Variants in RPS24 observed in about 807,000 individuals in gnomAD.
RPS24 encodes ribosomal protein S24, also known as small ribosomal subunit protein eS24.
For missense variants in RPS24, 100 were observed against 162.5 expected (o/e 0.62, Z 2.09); for synonymous variants, 72 against 55.6 (o/e 1.30, Z -1.31).
chr10:78,045,144 T>C (rs1313927422), downstream of RPS24, among the ~76,000 whole-genome samples: 1 of 152,022 alleles, frequency 6.6e-6, no homozygotes, highest in Non-Finnish European at 1.5e-5. Context: ...TGTGCCACCA[T>C]ACCTGGCTAA....
At chr10:78,047,693 T>C (rs1234459540) in intron 4 of RPS24, among the ~76,000 whole-genome samples, 1 of 152,184 alleles carries the variant, frequency 6.6e-6, no homozygotes, top group Non-Finnish European at 1.5e-5. Context: ...TGTCTACCCA[T>C]CCGTGCTGCG....
intron 4 of RPS24, 50 bp downstream of exon 4, chr10:78,037,354 AGTTTCTAGGAAAG>A (rs1176618988): frequency 6.5e-7 from 1 of 1,547,444 alleles, no homozygotes; most frequent in Non-Finnish European, 8.7e-7. Flanking sequence ...GTAGGTCTTT[AGTTTCTAGGAAAG>A]AAGGGATCTT....
At chr10:78,054,206 TGAA>T (rs1164867268) in intron 4 of RPS24, among the ~76,000 whole-genome samples, 1 of 151,806 alleles carries the variant, frequency 6.6e-6, no homozygotes, top group South Asian at 2.1e-4. Context: ...GCACTGGCCA[TGAA>T]GAAGGAGTGG....
rs893236883 is a variant in RPS24, at chr10:78,046,362, T to G, written c.391-8169T>G. Among the ~76,000 whole-genome samples, 13 of 149,222 alleles carry G rather than the reference T, an allele frequency of 8.7e-5. No individual in the cohort carries two copies. In the East Asian group the frequency reaches 2.5e-3, roughly 29 times the overall value. ...CTCATTTACCTTTTTTTTTTTTTTT[T>G]TTTGAGAATGAGTCTCGCTCTGTCA... On this transcript the variant is annotated intron_variant, in intron 4 of 4. Coordinates refer to the RPS24 transcript ENST00000440692.
downstream of RPS24, among the ~76,000 whole-genome samples, chr10:78,041,469 A>C (rs1440414217): frequency 6.6e-6 from 1 of 152,232 alleles, no homozygotes; most frequent in Non-Finnish European, 1.5e-5. Flanking sequence ...TCTCTTGCTA[A>C]GGAATCTGCT....
intron 4 of RPS24, among the ~76,000 whole-genome samples, chr10:78,050,833 G>A (rs1335921882): frequency 6.6e-6 from 1 of 151,018 alleles, no homozygotes; most frequent in Admixed American, 6.6e-5. Flanking sequence ...ATTATGTTGC[G>A]CCTCCTGGCC....
At chr10:78,034,220 T>A in intron 1 of RPS24, 1 of 528,290 alleles carries the variant, frequency 1.9e-6, no homozygotes, top group Non-Finnish European at 3.4e-6. Flanking sequence ...GGGAGGCACA[T>A]CTCGTCTGCA....
downstream of RPS24, among the ~76,000 whole-genome samples, chr10:78,044,422 A>G (rs1848020795): frequency 6.6e-6 from 1 of 152,206 alleles, no homozygotes; most frequent in Non-Finnish European, 1.5e-5. Context: ...AAGGCCCTAC[A>G]TGACTGATGC....
chr10:78,040,814 A>C, downstream of RPS24: 2 of 748,016 alleles, frequency 2.7e-6, no homozygotes, highest in Non-Finnish European at 4.5e-6. Flanking sequence ...TGAAAACTTA[A>C]TGTCATGGGG....
Position 78,054,939 on chromosome 10 carries a change from C to G in RPS24, c.799C>G (p.Pro267Ala), listed in dbSNP as rs931570987. 19 of 1,499,682 alleles carry G rather than the reference C, an allele frequency of 1.3e-5. No homozygotes were observed. The Admixed American group carries it at 3.3e-4, about 26-fold the overall frequency. 92.9% of individuals were successfully genotyped at this position (1,499,682 alleles called of 1,614,324 possible). A position where few individuals can be genotyped will look rare whatever the true frequency, so the allele number is the denominator to read the frequency against. The change falls in exon 5 of 5, where the codon CCT (proline) becomes GCT (alanine). Residue 267 changes from proline (P) to alanine (A), a missense_variant. Physicochemically the swap from Pro to Ala is conservative, Grantham distance 27. Coordinates refer to the RPS24 transcript ENST00000440692. ...CCAGGCCATCAACAAGTCTTTTGGCCCTTTCTTTGAAATCCACCAGGAATC... is the reference window on the plus strand; with the variant it reads ...CCAGGCCATCAACAAGTCTTTTGGCGCTTTCTTTGAAATCCACCAGGAATC...
chr10:78,034,155 G>A (rs1293664577), intron 1 of RPS24: 2 of 324,284 alleles, frequency 6.2e-6, no homozygotes, highest in Non-Finnish European at 1.2e-5. Flanking sequence ...TGCGCTTGTT[G>A]ACTTCGTGGA....
chr10:78,049,960 G>A (rs1057306736), intron 4 of RPS24, among the ~76,000 whole-genome samples: 1 of 152,216 alleles, frequency 6.6e-6, no homozygotes, highest in Non-Finnish European at 1.5e-5. Context: ...GGAAGAAAAT[G>A]GTTGCTTCAT....
chr10:78,038,182 G>T, intron 4 of RPS24: 1 of 249,948 alleles, frequency 4.0e-6, no homozygotes, highest in Non-Finnish European at 8.1e-6. Flanking sequence ...TTTTAAGATA[G>T]TATATTATGA....
Position 78,052,856 on chromosome 10 carries a change from T to C in RPS24, c.391-1675T>C, listed in dbSNP as rs78968893. On this transcript the variant is annotated intron_variant, in intron 4 of 4. Coordinates refer to the RPS24 transcript ENST00000440692. ...TTTGGGCTGGATAGCAGGCAGTTTT[T>C]AAAACTTGGAGCAAGCCGGGCGCAG... Among the ~76,000 whole-genome samples the C allele has an allele frequency of 1.4e-3, 206 of 152,156 alleles. 2 individuals are homozygous for C. In the East Asian group the frequency reaches 0.029, roughly 21 times the overall value.
At chr10:78,037,835 T>G (rs1398159891) in intron 4 of RPS24, 2 of 598,048 alleles carry the variant, frequency 3.3e-6, no homozygotes, top group Non-Finnish European at 5.0e-6. Context: ...AGTTGGACAT[T>G]GTAAATCATT....
At chr10:78,049,347 C>A (rs1047519945) in intron 4 of RPS24, 1 of 152,318 alleles carries the variant, frequency 6.6e-6, no homozygotes, top group Admixed American at 6.5e-5. Context: ...AGAGTTGAAA[C>A]ATCGCCCACT....
chr10:78,047,436 C>CT (rs1220707941), intron 4 of RPS24, among the ~76,000 whole-genome samples: 1 of 152,104 alleles, frequency 6.6e-6, no homozygotes, highest in Non-Finnish European at 1.5e-5. Context: ...GAAATAAAGA[C>CT]GTGTGATGCA....
chr10:78,055,034 T>G, exon 5 of RPS24: 1 of 1,456,930 alleles, frequency 6.9e-7, no homozygotes, highest in East Asian at 2.5e-5. Flanking sequence ...GCCGCCTTGC[T>G]GCATTTCTGA....
chr10:78,050,313 T>G (rs1310484841), intron 4 of RPS24, among the ~76,000 whole-genome samples: 2 of 152,194 alleles, frequency 1.3e-5, no homozygotes, highest in East Asian at 1.9e-4. Flanking sequence ...AGATGCTGAC[T>G]GGTCTGTCAG....
Sources: gnomAD v4.1 joint callset for allele counts (sites outside exome capture counted in the v4.1 genomes callset) on GRCh38, gnomAD v4.1.1 for gene constraint, MANE v1.5 for transcripts, NCBI Gene and HGNC (gene_info 2026-07-23, HGNC 2026-07-21) for gene names.